The following FREM2 variants were observed in gnomAD, a reference collection of about 807,000 sequenced individuals.
The protein encoded by FREM2 is FRAS1-related extracellular matrix protein 2.
Under a neutral mutation model 219.9 loss-of-function variants are expected in FREM2, and 119 were observed. The ratio of observed to expected loss-of-function variants is 0.54; its 90% confidence interval spans 0.47 to 0.63. The LOEUF (loss-of-function observed/expected upper bound fraction) is 0.63, where lower values mean the gene tolerates loss of function less well. FREM2 is among the 30% of genes least tolerant of loss of function. The pLI, the probability that FREM2 is intolerant of heterozygous loss-of-function variation, is 0.00. For synonymous variants in FREM2, 1,562 were observed against 1,522.8 expected (o/e 1.03, Z -0.60); for missense variants, 4,030 against 3,993.6 (o/e 1.01, Z -0.25).
At chr13:38,754,904 T>TGATGATG (rs1566129763) in intron 2 of FREM2, among the ~76,000 whole-genome samples, 1 of 132,284 alleles carries the variant, frequency 7.6e-6, no homozygotes, top group African/African-American at 3.0e-5. Flanking sequence ...TGATGATGAT[T>TGATGATG]ATTATTATTA....
chr13:38,689,362 G>C lies in FREM2; in HGVS notation c.2018G>C (p.Arg673Thr). Residue 673 changes from arginine to threonine, a missense_variant, in exon 1 of 24, where the codon AGA becomes ACA. Physicochemically the swap from Arg to Thr is moderately conservative, Grantham distance 71. Coordinates refer to ENST00000280481, the MANE Select transcript of FREM2 (RefSeq NM_207361.6). ...CCAGTCACAGACCAGTTCACATTTA[G>C]AGTCCAGGATAACCATGACCCTCCT... ...PGPVTDQFTF[R>T]VQDNHDPPNQ... The C allele has an allele frequency of 1.2e-6, 2 of 1,614,082 alleles. No homozygotes were observed. The highest frequency in any genetic ancestry group is 1.7e-6 in the Non-Finnish European group (2 of 1,180,022).
chr13:38,687,564 C>A lies in FREM2; in HGVS notation c.220C>A (p.Leu74Met). Residue 74 changes from leucine (L) to methionine (M), a missense_variant, in exon 1 of 24, where the codon CTG (leucine) becomes ATG (methionine). Around this residue, in one of 2 missense-constraint regions of FREM2, gnomAD observed 3,102 missense variants for 2,950.7 expected, o/e 1.05. Coordinates refer to ENST00000280481, the MANE Select transcript of FREM2 (RefSeq NM_207361.6). Reference sequence around the variant, plus strand: ...GGTCCCTGCTGAGGAGGCCATAGTGCTGGCGAACCGCGGACTCCGGGTGCC... The same window carrying A: ...GGTCCCTGCTGAGGAGGCCATAGTGATGGCGAACCGCGGACTCCGGGTGCC... ...AGVPAEEAIV[L>M]ANRGLRVPFG... 2 of 1,602,678 alleles carry A rather than the reference C, an allele frequency of 1.2e-6. No homozygotes were observed. Among genetic ancestry groups the A allele is most frequent in the Non-Finnish European group, 1.7e-6 (2 of 1,174,228 alleles).
At chr13:38,792,559 ATTG>A (rs1053932708) in intron 6 of FREM2, among the ~76,000 whole-genome samples, 2 of 152,112 alleles carry the variant, frequency 1.3e-5, no homozygotes, top group East Asian at 1.9e-4. Flanking sequence ...GTTATTTATT[ATTG>A]TTGTTAATCT....
chr13:38,775,440 G>GC (rs1725798505), intron 4 of FREM2, among the ~76,000 whole-genome samples: 1 of 152,120 alleles, frequency 6.6e-6, no homozygotes, highest in African/African-American at 2.4e-5. Context: ...TCATCTTAAG[G>GC]CAAACAAAAA....
rs1325421982 is a variant in FREM2, at chr13:38,690,511, G to A, written c.3167G>A (p.Trp1056Ter). The change falls in exon 1 of 24, where the codon TGG becomes TAG. Residue 1056 changes from tryptophan to a stop codon, truncating the protein, a stop_gained. Coordinates refer to ENST00000280481, the MANE Select transcript of FREM2 (RefSeq NM_207361.6). LOFTEE classifies it high-confidence loss of function. ...AATACTATCCAAGGAGTTACTATAT[G>A]GGTGACCATCCTGCCTGTTGATAGC... ...GGNTIQGVTI[W>*]VTILPVDSQA... The A allele has an allele frequency of 1.2e-6, 2 of 1,614,062 alleles. No individual in the cohort carries two copies. The highest frequency in any genetic ancestry group is 3.3e-5 in the Admixed American group (2 of 60,012).
chr13:38,690,405 G>A lies in FREM2; in HGVS notation c.3061G>A (p.Gly1021Ser), dbSNP rs369561646. 3 of 1,614,036 alleles carry A rather than the reference G, an allele frequency of 1.9e-6. No homozygotes were observed. Among genetic ancestry groups the A allele is most frequent in the Non-Finnish European group, 2.5e-6 (3 of 1,179,998 alleles). The change falls in exon 1 of 24, where the codon GGT (glycine) becomes AGT (serine). Residue 1021 changes from glycine (G) to serine (S), a missense_variant. Physicochemically the swap from Gly to Ser is moderately conservative, Grantham distance 56. Around this residue, in one of 2 missense-constraint regions of FREM2, gnomAD observed 3,102 missense variants for 2,950.7 expected, o/e 1.05. Coordinates refer to ENST00000280481, the MANE Select transcript of FREM2 (RefSeq NM_207361.6). ...CTCTGTTGTATATACCCACACCAGT[G>A]GTGAGATAGGCCTATTGCCTAAAGC... is the stretch of plus-strand genomic sequence containing the variant. ...EGSVVYTHTS[G>S]EIGLLPKADS...
chr13:38,710,622 T>C (rs1010204472), intron 2 of FREM2, among the ~76,000 whole-genome samples: 1 of 152,250 alleles, frequency 6.6e-6, no homozygotes, highest in African/African-American at 2.4e-5. Flanking sequence ...TCATTCATAT[T>C]TATGTCTCTT....
intron 6 of FREM2, among the ~76,000 whole-genome samples, chr13:38,826,580 A>G (rs903889941): frequency 6.6e-6 from 1 of 151,952 alleles, no homozygotes; most frequent in African/African-American, 2.4e-5. Context: ...TTCAGGTGTC[A>G]GTTGTCAAGC....
At chr13:38,766,709 T>A (rs1485788683) in intron 3 of FREM2, among the ~76,000 whole-genome samples, 1 of 152,200 alleles carries the variant, frequency 6.6e-6, no homozygotes, top group Non-Finnish European at 1.5e-5. Flanking sequence ...CTAAAACTAA[T>A]AAACTAGATA....
intron 8 of FREM2, 130 bp from the exon 9 acceptor site, chr13:38,849,908 A>G (rs1593444490): frequency 5.2e-6 from 4 of 768,500 alleles, no homozygotes; most frequent in African/African-American, 3.4e-5. Context: ...AATATTGGCA[A>G]GTGACTGAAT....
chr13:38,691,880 C>T lies in FREM2; in HGVS notation c.4536C>T (p.Thr1512=), dbSNP rs771382493. 1.9e-5 allele frequency: 31 copies of T among 1,613,968 alleles called. No homozygotes were observed. Among genetic ancestry groups the T allele is most frequent in the East Asian group, 8.9e-5 (4 of 44,888 alleles). ...VKMDSFEFQV[T]DGRNPVFRTF... is the part of the protein sequence containing the mutation. ...TGGACAGTTTTGAGTTTCAAGTCAC[C>T]GATGGACGTAACCCTGTCTTTCGGA... The change falls in exon 1 of 24, where the codon ACC becomes ACT. Residue 1512 remains threonine, a synonymous_variant. Transcript: ENST00000280481.
At position 38,880,953 on chromosome 13, in the gene FREM2, T is replaced by C. The variant is rs1878525199; in HGVS notation, c.*166T>C. The stretch of plus-strand genomic sequence containing the variant: ...TTTGATTTGAATTCTCCATACTCTT[T>C]TTTGCATCAAAGGACAAATTAAGGC... On this transcript the variant is annotated 3_prime_UTR_variant, in exon 24 of 24. Coordinates refer to ENST00000280481, the MANE Select transcript of FREM2 (RefSeq NM_207361.6). 1 of 879,200 alleles carries C rather than the reference T, an allele frequency of 1.1e-6. No individual in the cohort carries two copies. Among genetic ancestry groups the C allele is most frequent in the Non-Finnish European group, 1.8e-6 (1 of 560,210 alleles). The allele number at this position is 879,200 out of a possible 1,614,324, so 54.5% of individuals were successfully genotyped here.
intron 2 of FREM2, among the ~76,000 whole-genome samples, chr13:38,702,863 A>C (rs1485469086): frequency 4.6e-5 from 7 of 152,066 alleles, no homozygotes; most frequent in Non-Finnish European, 8.8e-5. Flanking sequence ...TGGCCATTAT[A>C]GTGTTATCTG....
chr13:38,786,472 TTAAA>T (rs767610219), intron 6 of FREM2, among the ~76,000 whole-genome samples: 15 of 152,192 alleles, frequency 9.9e-5, no homozygotes, highest in East Asian at 1.9e-4. Flanking sequence ...CTATTCTGAT[TTAAA>T]TAAAGTACAG....
At chr13:38,860,472 C>G (rs1322341171) in intron 14 of FREM2, among the ~76,000 whole-genome samples, 1 of 152,160 alleles carries the variant, frequency 6.6e-6, no homozygotes, top group East Asian at 1.9e-4. Flanking sequence ...ACACCGCATT[C>G]AAAAGTAAAT....
intron 2 of FREM2, among the ~76,000 whole-genome samples, chr13:38,749,590 G>A (rs935649739): frequency 3.3e-5 from 5 of 151,996 alleles, no homozygotes; most frequent in African/African-American, 1.2e-4. Context: ...GTGTGTGTTG[G>A]GTGGGAGGGT....
chr13:38,831,871 T>C (rs1308412869), intron 6 of FREM2, among the ~76,000 whole-genome samples: 1 of 151,960 alleles, frequency 6.6e-6, no homozygotes, highest in Non-Finnish European at 1.5e-5. Flanking sequence ...CTGCCTGCCT[T>C]GGCCTACCGG....
intron 6 of FREM2, among the ~76,000 whole-genome samples, chr13:38,828,783 G>T (rs9603439): frequency 0.11 from 16,342 of 151,968 alleles, 1,601 homozygotes; most frequent in African/African-American, 0.27. Context: ...TCATGTCAAT[G>T]CATATAAACC....
chr13:38,848,666 C>T lies in FREM2; in HGVS notation c.6375C>T (p.Ser2125=), dbSNP rs372745449. The change falls in exon 8 of 24, where the codon TCC becomes TCT. Residue 2125 remains serine (S), a synonymous_variant. Coordinates refer to ENST00000280481, the MANE Select transcript of FREM2 (RefSeq NM_207361.6). The part of the protein sequence containing the change: ...KATVSINDSV[S]DLPKMQFKER... ...CAGTGTCCATAAATGACTCTGTCTC[C>T]GATTGTGAGTGTTTATTAATTTTAT... 82 of 1,609,912 alleles carry T rather than the reference C, an allele frequency of 5.1e-5. No homozygotes were observed. The highest frequency in any genetic ancestry group is 1.3e-4 in the Admixed American group (8 of 59,960).
Sources: gnomAD v4.1 joint callset for allele counts (sites outside exome capture counted in the v4.1 genomes callset) on GRCh38, gnomAD v4.1.1 for gene constraint, gnomAD v4.1.1 regional missense constraint, MANE v1.5 for transcripts, NCBI Gene and HGNC (gene_info 2026-07-23, HGNC 2026-07-21) for gene names.